The following IL1RAPL2 variants were observed in gnomAD, a reference collection of about 807,000 sequenced individuals.
IL1RAPL2 encodes interleukin 1 receptor accessory protein like 2.
IL1RAPL2 carries 3 observed loss-of-function variants against 44.1 expected under a neutral mutation model. The observed-to-expected ratio is 0.07, with a 90% CI of 0.03 to 0.18. The LOEUF (loss-of-function observed/expected upper bound fraction) is 0.18, where lower values mean the gene tolerates loss of function less well. Ranked by LOEUF, IL1RAPL2 falls within the 10% of genes least tolerant of loss-of-function variation. The probability of loss-of-function intolerance (pLI) is 1.00; values close to 1 mark genes in which losing one functional copy is unlikely to be tolerated. For synonymous variants in IL1RAPL2, 181 were observed against 178.8 expected (o/e 1.01, Z -0.10); for missense variants, 391 against 496.4 (o/e 0.79, Z 2.02).
intron 5 of IL1RAPL2, among the ~76,000 whole-genome samples, chrX:105,298,874 G>A (rs190276155): frequency 1.5e-4 from 17 of 111,606 alleles, no homozygotes; most frequent in Non-Finnish European, 3.2e-4. Context: ...TGCTGAGTTT[G>A]AATAAGTGGA....
At chrX:105,073,322 G>A (rs1472647210) in intron 2 of IL1RAPL2, among the ~76,000 whole-genome samples, 1 of 103,588 alleles carries the variant, frequency 9.7e-6, no homozygotes, top group South Asian at 4.6e-4. Context: ...GCGATAGTTT[G>A]CTGAGAATGA....
chrX:104,662,987 C>G (rs1930429945), intron 2 of IL1RAPL2, among the ~76,000 whole-genome samples: 1 of 111,883 alleles, frequency 8.9e-6, no homozygotes, highest in African/African-American at 3.2e-5. Context: ...CTGCATATCT[C>G]AATCAGCTAG....
chrX:104,839,817 A>T (rs1921854167), intron 2 of IL1RAPL2, among the ~76,000 whole-genome samples: 1 of 111,248 alleles, frequency 9.0e-6, no homozygotes, highest in Admixed American at 9.6e-5. Flanking sequence ...TAGTTTTGGG[A>T]GGGTGTATGT....
intron 5 of IL1RAPL2, among the ~76,000 whole-genome samples, chrX:105,295,752 G>A (rs911446888): frequency 9.0e-6 from 1 of 111,478 alleles, no homozygotes; most frequent in African/African-American, 3.3e-5. Flanking sequence ...ACTATGGCTT[G>A]TGGTAAAAAA....
chrX:104,768,898 C>T (rs1276708225), intron 2 of IL1RAPL2, among the ~76,000 whole-genome samples: 2 of 110,871 alleles, frequency 1.8e-5, no homozygotes, highest in African/African-American at 3.3e-5. Flanking sequence ...GTCTAGCTTT[C>T]CCGAGGAATT....
intron 2 of IL1RAPL2, among the ~76,000 whole-genome samples, chrX:104,985,093 TA>T (rs1342805553): frequency 1.2e-5 from 1 of 81,207 alleles, no homozygotes; most frequent in African/African-American, 4.4e-5. Context: ...TATTTTTCTT[TA>T]TTTTTTTTTT....
intron 5 of IL1RAPL2, among the ~76,000 whole-genome samples, chrX:105,320,886 C>G (rs747911473): frequency 4.5e-5 from 5 of 111,843 alleles, no homozygotes; most frequent in African/African-American, 1.3e-4. Context: ...AGCCCATGCT[C>G]TGCACCAGTG....
At chrX:105,306,651 T>A (rs1474130431) in intron 5 of IL1RAPL2, among the ~76,000 whole-genome samples, 2 of 111,587 alleles carry the variant, frequency 1.8e-5, no homozygotes, top group Non-Finnish European at 3.8e-5. Flanking sequence ...GTCATACATC[T>A]TTGAGAGTAA....
chrX:105,642,219 C>A (rs1180806292), intron 6 of IL1RAPL2, among the ~76,000 whole-genome samples: 2 of 110,656 alleles, frequency 1.8e-5, no homozygotes, highest in Admixed American at 9.7e-5. Context: ...CACAGCCCTG[C>A]TAGGTGGTTG....
At chrX:104,895,899 A>G (rs1923629836) in intron 2 of IL1RAPL2, among the ~76,000 whole-genome samples, 1 of 111,650 alleles carries the variant, frequency 9.0e-6, no homozygotes, top group South Asian at 3.8e-4. Context: ...TGTAGACTGG[A>G]GCTGTTCCTA....
chrX:105,128,234 C>T (rs1416804406), intron 2 of IL1RAPL2, among the ~76,000 whole-genome samples: 2 of 109,954 alleles, frequency 1.8e-5, no homozygotes, highest in African/African-American at 3.3e-5. Flanking sequence ...TGTTATTGCT[C>T]ATTCTTATTT....
intron 2 of IL1RAPL2, among the ~76,000 whole-genome samples, chrX:104,936,616 A>T (rs1925032646): frequency 9.6e-6 from 1 of 104,105 alleles, no homozygotes; most frequent in Non-Finnish European, 1.9e-5. Flanking sequence ...TGCATTTACC[A>T]GACTCTTTTT....
At chrX:104,734,357 A>T (rs1016239432) in intron 2 of IL1RAPL2, among the ~76,000 whole-genome samples, 3 of 112,680 alleles carry the variant, frequency 2.7e-5, no homozygotes, top group African/African-American at 9.6e-5. Context: ...ATGTGTATAG[A>T]AGCTTTGTTT....
At chrX:104,711,413 G>A (rs761738599) in intron 2 of IL1RAPL2, among the ~76,000 whole-genome samples, 1 of 110,641 alleles carries the variant, frequency 9.0e-6, no homozygotes, top group South Asian at 3.8e-4. Context: ...TTAATAAGGG[G>A]GAGAAACCCA....
intron 2 of IL1RAPL2, among the ~76,000 whole-genome samples, chrX:105,004,476 G>A (rs2030907833): frequency 1.8e-5 from 2 of 110,049 alleles, no homozygotes; most frequent in Non-Finnish European, 3.8e-5. Context: ...CAGGAAACAT[G>A]CAGTTAATGA....
intron 5 of IL1RAPL2, among the ~76,000 whole-genome samples, chrX:105,381,788 A>G (rs970028350): frequency 2.4e-4 from 27 of 111,483 alleles, no homozygotes; most frequent in African/African-American, 8.1e-4. Context: ...GAAATATACA[A>G]CAATATATTG....
At chrX:104,575,383 CTTATTTT>C (rs1216041759) in intron 1 of IL1RAPL2, among the ~76,000 whole-genome samples, 1 of 111,303 alleles carries the variant, frequency 9.0e-6, no homozygotes, top group Non-Finnish European at 1.9e-5. Flanking sequence ...TATTTGGACT[CTTATTTT>C]TTATATTATA....
Position 105,065,905 on chromosome X carries a change from C to T in IL1RAPL2, c.83-129570C>T, listed in dbSNP as rs759660822. 8.1e-5 allele frequency among the ~76,000 whole-genome samples: 9 copies of T among 111,594 alleles called. No homozygotes were observed. In the South Asian group the frequency reaches 2.6e-3, roughly 33 times the overall value. ...TTTATCTGTATGTTTATCTCTCTCCCTTCCCCTACCCCATTCCTTACTTCC... is the reference window on the plus strand; with the variant it reads ...TTTATCTGTATGTTTATCTCTCTCCTTTCCCCTACCCCATTCCTTACTTCC... On this transcript the variant is annotated intron_variant, in intron 2 of 10. Coordinates refer to ENST00000372582, the MANE Select transcript of IL1RAPL2 (RefSeq NM_017416.2).
chrX:105,735,084 A>T (rs1387971363), intron 7 of IL1RAPL2, among the ~76,000 whole-genome samples: 1 of 111,714 alleles, frequency 9.0e-6, no homozygotes, highest in Non-Finnish European at 1.9e-5. Context: ...GATAATTTTC[A>T]GTTTGTTCAC....
Sources: allele counts gnomAD v4.1 joint callset (sites outside exome capture counted in the v4.1 genomes callset), GRCh38; gene constraint gnomAD v4.1.1; transcripts MANE v1.5; gene names NCBI Gene and HGNC (gene_info 2026-07-23, HGNC 2026-07-21).